Variants in OR3A1 observed in about 807,000 individuals in gnomAD.
OR3A1 encodes olfactory receptor 3A1.
For synonymous variants in OR3A1, 145 were observed against 160.0 expected, an observed-to-expected ratio of 0.91 and a Z score of 0.71; for missense variants, 402 against 393.8, an observed-to-expected ratio of 1.02 and a Z score of -0.18.
At chr17:3,297,219 G>C (rs1237151745) in intron 1 of OR3A1, among the ~76,000 whole-genome samples, 2 of 152,120 alleles carry the variant, frequency 1.3e-5, no homozygotes, top group African/African-American at 2.4e-5. Flanking sequence ...AATTCCTGTT[G>C]TATCACCCTC....
chr17:3,291,821 G>T lies in OR3A1; in HGVS notation c.762C>A (p.Phe254Leu), dbSNP rs149299349. The T allele has an allele frequency of 4.5e-4, 723 of 1,613,806 alleles. 9 individuals are homozygous for T. In the African/African-American group the frequency reaches 7.7e-3, roughly 17 times the overall value. ...TATAGTTAAAGATACCTGAACCATA[G>T]AATATGGCAACCACAGTGAGGTGGG... ...CGSHLTVVAI[F>L]YGSGIFNYMR... is the part of the protein sequence containing the mutation. Residue 254 changes from phenylalanine (F) to leucine (L), a missense_variant, in exon 2 of 2, where the codon TTC (phenylalanine) becomes TTA (leucine). Physicochemically the swap from Phe to Leu is conservative, Grantham distance 22. Transcript: ENST00000323404.
intron 1 of OR3A1, among the ~76,000 whole-genome samples, chr17:3,295,824 AAAG>A (rs563574553): frequency 6.6e-6 from 1 of 152,116 alleles, no homozygotes; most frequent in South Asian, 2.1e-4. Flanking sequence ...TAAATGAGGA[AAAG>A]AAGAGCATTT....
chr17:3,298,098 C>T (rs1018544401), intron 1 of OR3A1, among the ~76,000 whole-genome samples, 185 bp downstream of exon 1: 2 of 152,026 alleles, frequency 1.3e-5, no homozygotes, highest in Admixed American at 6.6e-5. Context: ...TTTGATAGAA[C>T]ATCTCAAAAG....
intron 1 of OR3A1, among the ~76,000 whole-genome samples, chr17:3,297,470 A>T (rs2048928433): frequency 6.8e-6 from 1 of 147,788 alleles, no homozygotes; most frequent in South Asian, 2.1e-4. Flanking sequence ...TAAGTTCTCA[A>T]ATCCTTTGGC....
chr17:3,295,863 A>C (rs2048914410), intron 1 of OR3A1, among the ~76,000 whole-genome samples: 1 of 152,180 alleles, frequency 6.6e-6, no homozygotes, highest in Admixed American at 6.5e-5. Flanking sequence ...AAGATGTAAT[A>C]GGTATGAAAA....
In OR3A1 at chr17:3,291,651, C is replaced by T; in HGVS notation, c.932G>A (p.Arg311Lys). The T allele has an allele frequency of 6.3e-7, 1 of 1,599,142 alleles. No individual in the cohort carries two copies. The change falls in exon 2 of 2, where the codon AGG becomes AAG. Residue 311 changes from arginine to lysine, a missense_variant. By Grantham distance (26) the Arg-to-Lys change is conservative (BLOSUM62 2). Transcript: ENST00000323404. ...QSAIWRMLTG[R>K]RSLA is the part of the protein sequence containing the mutation. ...GAGACCTCCTCAAGCCAGTGACCGC[C>T]TCCCTGTGAGCATCCTCCAGATGGC...
intron 1 of OR3A1, among the ~76,000 whole-genome samples, chr17:3,296,814 C>T (rs2150624242): frequency 6.6e-6 from 1 of 152,310 alleles, no homozygotes; most frequent in Non-Finnish European, 1.5e-5. Flanking sequence ...CATTCCATTA[C>T]ACTACCACCA....
chr17:3,292,653 A>T, intron 1 of OR3A1, 65 bp from the exon 2 acceptor site: 1 of 1,347,980 alleles, frequency 7.4e-7, no homozygotes, highest in African/African-American at 1.5e-5. Context: ...CTCAAGAAAA[A>T]GAAACAGACC....
chr17:3,291,333 C>T lies in OR3A1; in HGVS notation c.*302G>A, dbSNP rs1003635547. On this transcript the variant is annotated 3_prime_UTR_variant, in exon 2 of 2. Transcript: ENST00000323404. ...GCTGTAACCAACCAAAGAGTCATTC[C>T]TTCTGGAACATGAACCTGTCAGCAC... 2 of 282,788 alleles carry T rather than the reference C, an allele frequency of 7.1e-6. No homozygotes were observed. Among genetic ancestry groups the T allele is most frequent in the Non-Finnish European group, 1.3e-5 (2 of 151,116 alleles). The allele number at this position is 282,788 out of a possible 1,614,324, so 17.5% of individuals were successfully genotyped here. A position where few individuals can be genotyped will look rare whatever the true frequency, so the allele number is the denominator to read the frequency against.
rs1392020056 is a variant in OR3A1, at chr17:3,291,666, C to A, written c.917G>T (p.Arg306Met). The A allele has an allele frequency of 9.3e-6, 15 of 1,604,738 alleles. No individual in the cohort carries two copies. Among genetic ancestry groups the A allele is most frequent in the Non-Finnish European group, 1.2e-5 (14 of 1,172,346 alleles). ...RNPDVQSAIW[R>M]MLTGRRSLA ...CAGTGACCGCCTCCCTGTGAGCATC[C>A]TCCAGATGGCACTCTGCACATCAGG... The change falls in exon 2 of 2, where the codon AGG (arginine) becomes ATG (methionine). Residue 306 changes from arginine to methionine, a missense_variant. Transcript: ENST00000323404.
rs756901542 is a variant in OR3A1, at chr17:3,292,455, CT to C, written c.127del (p.Arg43GlyfsTer43). On this transcript the variant is annotated frameshift_variant, in exon 2 of 2. Transcript: ENST00000323404. LOFTEE classifies it low-confidence loss of function (END_TRUNC). ...AGCTGCCAGGATGCTGAGGTTGCCC[CT>C]GACCGTGACCAGGTAGGCAAAGAGG... ...LFLFAYLVTV[R>X]GNLSILAAVL... is the part of the protein sequence containing the mutation. The C allele has an allele frequency of 1.1e-3, 1,767 of 1,613,606 alleles. 1 individual carries two copies. The highest frequency in any genetic ancestry group is 1.4e-3 in the Non-Finnish European group (1,632 of 1,179,938).
chr17:3,292,461 G>A lies in OR3A1; in HGVS notation c.122C>T (p.Thr41Met), dbSNP rs142429357. 53 of 1,613,466 alleles carry A rather than the reference G, an allele frequency of 3.3e-5. No individual in the cohort carries two copies. The highest frequency in any genetic ancestry group is 2.7e-4 in the East Asian group (12 of 44,828). ...CAGGATGCTGAGGTTGCCCCTGACC[G>A]TGACCAGGTAGGCAAAGAGGAAGAG... Reference protein sequence around the residue: ...FVLFLFAYLVTVRGNLSILAA... With the variant: ...FVLFLFAYLVMVRGNLSILAA... Residue 41 changes from threonine (T) to methionine (M), a missense_variant, in exon 2 of 2, where the codon ACG (threonine) becomes ATG (methionine). Thr to Met is a moderately conservative substitution (Grantham distance 81). Coordinates refer to ENST00000323404, the MANE Select transcript of OR3A1 (RefSeq NM_002550.3).
chr17:3,291,529 C>A lies in OR3A1; in HGVS notation c.*106G>T. The A allele has an allele frequency of 1.2e-6, 1 of 808,996 alleles. No individual in the cohort carries two copies. Among genetic ancestry groups the A allele is most frequent in the Non-Finnish European group, 1.9e-6 (1 of 519,134 alleles). The allele number at this position is 808,996 out of a possible 1,614,324, so 50.1% of individuals were successfully genotyped here. ...TTCCCTACAAAAAGTCCTTCTTATG[C>A]CCATGAAACAGAAACAGGTGTGAAC... is the stretch of plus-strand genomic sequence containing the variant. On this transcript the variant is annotated 3_prime_UTR_variant, in exon 2 of 2. Coordinates refer to ENST00000323404, the MANE Select transcript of OR3A1 (RefSeq NM_002550.3).
intron 1 of OR3A1, among the ~76,000 whole-genome samples, chr17:3,295,526 G>A (rs903574919): frequency 1.3e-5 from 2 of 152,082 alleles, no homozygotes; most frequent in African/African-American, 2.4e-5. Context: ...CCCTTACAGT[G>A]AAAGGCTATT....
chr17:3,291,799 A>C lies in OR3A1; in HGVS notation c.784T>G (p.Tyr262Asp). 6.2e-7 allele frequency: 1 copy of C among 1,613,764 alleles called. No individual in the cohort carries two copies. Among genetic ancestry groups the C allele is most frequent in the Non-Finnish European group, 8.5e-7 (1 of 1,179,614 alleles). ...AGCTTGGTTGAACCCAGTCGCATATAGTTAAAGATACCTGAACCATAGAAT... is the reference window on the plus strand; with the variant it reads ...AGCTTGGTTGAACCCAGTCGCATATCGTTAAAGATACCTGAACCATAGAAT... ...AIFYGSGIFN[Y>D]MRLGSTKLSD... The change falls in exon 2 of 2, where the codon TAT becomes GAT. Residue 262 changes from tyrosine (Y) to aspartate (D), a missense_variant. Physicochemically the swap from Tyr to Asp is radical, Grantham distance 160. Transcript: ENST00000323404.
At chr17:3,295,357 T>C (rs2048911116) in intron 1 of OR3A1, among the ~76,000 whole-genome samples, 2 of 152,040 alleles carry the variant, frequency 1.3e-5, no homozygotes, top group Non-Finnish European at 2.9e-5. Flanking sequence ...GAAACAGGAA[T>C]ATACTAATTT....
rs761776576 is a variant in OR3A1, at chr17:3,292,425, A to C, written c.158T>G (p.Leu53Trp). 1 of 1,613,988 alleles carries C rather than the reference A, an allele frequency of 6.2e-7. No homozygotes were observed. The highest frequency in any genetic ancestry group is 2.2e-5 in the East Asian group (1 of 44,874). ...GGGGGTGTGGAGTTTGGGCTCCACC[A>C]AGACAGCTGCCAGGATGCTGAGGTT... ...RGNLSILAAV[L>W]VEPKLHTPMY... The change falls in exon 2 of 2, where the codon TTG (leucine) becomes TGG (tryptophan). Residue 53 changes from leucine to tryptophan, a missense_variant. Transcript: ENST00000323404.
At chr17:3,293,878 C>T in intron 1 of OR3A1, among the ~76,000 whole-genome samples, 1 of 152,148 alleles carries the variant, frequency 6.6e-6, no homozygotes, top group East Asian at 1.9e-4. Context: ...ACACTGCATG[C>T]CCTCACTTAT....
chr17:3,295,669 A>T (rs2048913335), intron 1 of OR3A1, among the ~76,000 whole-genome samples: 1 of 152,150 alleles, frequency 6.6e-6, no homozygotes, highest in Admixed American at 6.5e-5. Context: ...TAAAAAATAC[A>T]ACTCTAGGCT....
Sources: allele counts gnomAD v4.1 joint callset (sites outside exome capture counted in the v4.1 genomes callset), GRCh38; gene constraint gnomAD v4.1.1; transcripts MANE v1.5; gene names NCBI Gene and HGNC (gene_info 2026-07-23, HGNC 2026-07-21).